The following FAM219A variants were observed in gnomAD, a reference collection of about 807,000 sequenced individuals.
FAM219A encodes protein FAM219A.
Under a neutral mutation model 23.4 loss-of-function variants are expected in FAM219A, and 7 were observed. That is an observed-to-expected ratio of 0.30 (90% CI 0.17 to 0.56). The LOEUF is 0.56. Ranked by LOEUF, FAM219A falls within the 20% of genes least tolerant of loss-of-function variation. The probability of loss-of-function intolerance (pLI) is 0.92; values close to 1 mark genes in which losing one functional copy is unlikely to be tolerated. For missense variants in FAM219A, 166 were observed against 246.9 expected (o/e 0.67, Z 2.20); for synonymous variants, 93 against 99.0 (o/e 0.94, Z 0.36).
At position 34,402,430 on chromosome 9, in the gene FAM219A, G is replaced by C; in HGVS notation, c.301C>G (p.Gln101Glu). The C allele has an allele frequency of 6.2e-7, 1 of 1,614,214 alleles. No individual in the cohort carries two copies. Among genetic ancestry groups the C allele is most frequent in the Non-Finnish European group, 8.5e-7 (1 of 1,180,044 alleles). The change falls in exon 4 of 6, where the codon CAG (glutamine) becomes GAG (glutamate). Residue 101 changes from glutamine to glutamate, a missense_variant. Physicochemically the swap from Gln to Glu is conservative, Grantham distance 29. Around this residue, in one of 3 missense-constraint regions of FAM219A, gnomAD observed 72 missense variants for 131.0 expected, o/e 0.55. Transcript: ENST00000651358. Reference sequence around the variant, plus strand: ...ACCAGTGGCTTCTCATCAGGGCTCTGGTCAAGTGAGGAGTAGCCTTTATTG... The same window carrying C: ...ACCAGTGGCTTCTCATCAGGGCTCTCGTCAAGTGAGGAGTAGCCTTTATTG... ...VPNKGYSSLD[Q>E]SPDEKPLVAL...
chr9:34,406,287 T>TA (rs1821634328), intron 1 of FAM219A: 2 of 985,162 alleles, frequency 2.0e-6, no homozygotes, highest in Admixed American at 1.2e-4. Context: ...CTAACTCCCA[T>TA]ACTAGTAGCC....
intron 1 of FAM219A, among the ~76,000 whole-genome samples, chr9:34,440,838 G>A (rs1243641793): frequency 6.7e-6 from 1 of 148,986 alleles, no homozygotes; most frequent in Admixed American, 6.7e-5. Flanking sequence ...GCGACAGAGT[G>A]AGACTCGGTC....
intron 1 of FAM219A, among the ~76,000 whole-genome samples, chr9:34,437,375 T>C (rs917514401): frequency 1.3e-5 from 2 of 152,180 alleles, no homozygotes; most frequent in African/African-American, 4.8e-5. Context: ...CCTGGAACCC[T>C]GGGGAGTCCT....
Position 34,398,266 on chromosome 9 carries a change from G to C in FAM219A, c.*2698C>G, listed in dbSNP as rs1368779276. On this transcript the variant is annotated 3_prime_UTR_variant, in exon 6 of 6. Coordinates refer to ENST00000651358, the MANE Select transcript of FAM219A (RefSeq NM_001184940.2). Reference sequence around the variant, plus strand: ...TGATGGTCAATACTGCAATGAAAATGTTAAAAAAAATATTATACACGGCTC... The same window carrying C: ...TGATGGTCAATACTGCAATGAAAATCTTAAAAAAAATATTATACACGGCTC... 7.1e-6 allele frequency: 11 copies of C among 1,550,148 alleles called. No homozygotes were observed.
chr9:34,442,655 A>G (rs1358096190), intron 1 of FAM219A, among the ~76,000 whole-genome samples: 1 of 151,282 alleles, frequency 6.6e-6, no homozygotes, highest in Non-Finnish European at 1.5e-5. Context: ...ACTGCACTCC[A>G]GCCTGGGTGA....
rs1034032907 is a variant in FAM219A at position 34,432,044 on chromosome 9, G to A, written c.61-26080C>T. 2.6e-5 allele frequency among the ~76,000 whole-genome samples: 4 copies of A among 152,238 alleles called. 1 individual carries two copies. The highest frequency in any genetic ancestry group is 2.6e-4 in the Admixed American group (4 of 15,290). ...GGTCTCAGTGTTTCATCTTTAGCAT[G>A]AAGAAAATAATAGTACCTGTAGCTT... On this transcript the variant is annotated intron_variant, in intron 1 of 5. Coordinates refer to ENST00000651358, the MANE Select transcript of FAM219A (RefSeq NM_001184940.2).
chr9:34,409,010 G>A (rs1821737899), intron 1 of FAM219A, among the ~76,000 whole-genome samples: 1 of 152,224 alleles, frequency 6.6e-6, no homozygotes, highest in Non-Finnish European at 1.5e-5. Flanking sequence ...AGCAACTCTG[G>A]TCACAGGGAC....
intron 1 of FAM219A, among the ~76,000 whole-genome samples, chr9:34,432,979 T>C (rs1486662355): frequency 1.3e-5 from 2 of 152,218 alleles, no homozygotes; most frequent in Non-Finnish European, 1.5e-5. Flanking sequence ...ATTATAGGCA[T>C]GAGCCACTAT....
At chr9:34,431,795 G>C (rs1371081234) in intron 1 of FAM219A, among the ~76,000 whole-genome samples, 1 of 152,140 alleles carries the variant, frequency 6.6e-6, no homozygotes, top group African/African-American at 2.4e-5. Flanking sequence ...AAAAGAAAAA[G>C]GAAAAAAATA....
Position 34,457,414 on chromosome 9 carries a change from C to CA in FAM219A, c.60+789_60+790insT, listed in dbSNP as rs1326806213. ...CGATGACATCATTCCTCCCTGACTC[C>CA]GGGACCGCGGACAGGCGGCAGGATC... is the stretch of plus-strand genomic sequence containing the variant. On this transcript the variant is annotated intron_variant, in intron 1 of 5. Transcript: ENST00000651358. The surrounding 1 kb of genome is among the most constrained non-coding windows in gnomAD (Gnocchi z 5.1). 6.5e-6 allele frequency: 1 copy of CA among 153,042 alleles called. No homozygotes were observed. The highest frequency in any genetic ancestry group is 2.4e-5 in the African/African-American group (1 of 41,456). 9.5% of individuals were successfully genotyped at this position (153,042 alleles called of 1,614,324 possible).
Position 34,418,915 on chromosome 9 carries a change from C to T in FAM219A, c.61-12951G>A, listed in dbSNP as rs530562635. 1.1e-3 allele frequency among the ~76,000 whole-genome samples: 172 copies of T among 152,108 alleles called. 1 individual carries two copies. The highest frequency in any genetic ancestry group is 4.1e-3 in the African/African-American group (171 of 41,498). On this transcript the variant is annotated intron_variant, in intron 1 of 5. Transcript: ENST00000651358. Reference sequence around the variant, plus strand: ...CGAAACCCTGTCTCTACTGAAAACACACACAAAAAATTAGCCAGGTGTAGT... The same window carrying T: ...CGAAACCCTGTCTCTACTGAAAACATACACAAAAAATTAGCCAGGTGTAGT...
chr9:34,448,217 C>G (rs1823437686), intron 1 of FAM219A, among the ~76,000 whole-genome samples: 1 of 152,208 alleles, frequency 6.6e-6, no homozygotes, highest in Non-Finnish European at 1.5e-5. Flanking sequence ...TTTAGCCCCT[C>G]AGTGAAACAG....
At chr9:34,426,337 A>T (rs1442101043) in intron 1 of FAM219A, among the ~76,000 whole-genome samples, 2 of 152,064 alleles carry the variant, frequency 1.3e-5, no homozygotes, top group Non-Finnish European at 2.9e-5. Context: ...GGCTAAGATG[A>T]GTTGTATCTT....
At chr9:34,431,146 G>T (rs1822683404) in intron 1 of FAM219A, among the ~76,000 whole-genome samples, 1 of 152,194 alleles carries the variant, frequency 6.6e-6, no homozygotes, top group South Asian at 2.1e-4. Flanking sequence ...TGGGCTTCAT[G>T]CCAGCAGCCT....
At chr9:34,406,362 G>T (rs1375996224) in intron 1 of FAM219A, 3 of 985,286 alleles carry the variant, frequency 3.0e-6, no homozygotes, top group African/African-American at 3.5e-5. Flanking sequence ...GTGAGTTTAA[G>T]TCTGGGTTAA....
chr9:34,405,910 A>G lies in FAM219A; in HGVS notation c.115T>C (p.Ser39Pro). The G allele has an allele frequency of 6.2e-7, 1 of 1,613,474 alleles. No homozygotes were observed. Among genetic ancestry groups the G allele is most frequent in the Non-Finnish European group, 8.5e-7 (1 of 1,179,806 alleles). The change falls in exon 2 of 6, where the codon TCA (serine) becomes CCA (proline). Residue 39 changes from serine (S) to proline (P), a missense_variant. Coordinates refer to ENST00000651358, the MANE Select transcript of FAM219A (RefSeq NM_001184940.2). ...DGDCDAREGE[S>P]VAMNYKPSPL... ...GATGGTTTGTAATTCATGGCTACTG[A>G]CTCACCCTCCCGGGCGTCACAGTCT... is the stretch of plus-strand genomic sequence containing the variant.
chr9:34,421,301 C>T (rs758944907), intron 1 of FAM219A, among the ~76,000 whole-genome samples: 5 of 151,746 alleles, frequency 3.3e-5, no homozygotes, highest in African/African-American at 7.3e-5. Context: ...GCTGGGGGTA[C>T]AGAGGTAAGG....
At chr9:34,445,391 A>G (rs1298856291) in intron 1 of FAM219A, among the ~76,000 whole-genome samples, 1 of 152,238 alleles carries the variant, frequency 6.6e-6, no homozygotes, top group Non-Finnish European at 1.5e-5. Flanking sequence ...GCTAGAGGTT[A>G]TAGAGGCTTA....
At chr9:34,407,165 C>T (rs1215197275) in intron 1 of FAM219A, among the ~76,000 whole-genome samples, 6 of 151,970 alleles carry the variant, frequency 3.9e-5, no homozygotes, top group South Asian at 2.1e-4. Context: ...GATCCAGGGC[C>T]GTGCAAGTGG....
Sources: allele counts gnomAD v4.1 joint callset (sites outside exome capture counted in the v4.1 genomes callset), GRCh38; gene constraint gnomAD v4.1.1; regional missense constraint gnomAD v4.1.1; non-coding constraint Gnocchi (gnomAD v3.1); transcripts MANE v1.5; gene names NCBI Gene and HGNC (gene_info 2026-07-23, HGNC 2026-07-21).